DTD1: variants seen among roughly 807,000 people sequenced by gnomAD.
DTD1 encodes D-aminoacyl-tRNA deacylase 1, also known as D-tyrosyl-tRNA deacylase 1 homolog.
Under a neutral mutation model 25.6 loss-of-function variants are expected in DTD1, and 13 were observed. The ratio of observed to expected loss-of-function variants is 0.51; its 90% CI spans 0.33 to 0.81. The LOEUF is 0.81. DTD1 is among the 30% of genes least tolerant of loss of function. DTD1 has a pLI of 0.02. For synonymous variants in DTD1, 110 were observed against 103.6 expected (o/e 1.06, Z -0.37); for missense variants, 193 against 266.4 (o/e 0.72, Z 1.92).
At chr20:18,754,462 A>G (rs2061331605) in intron 5 of DTD1, among the ~76,000 whole-genome samples, 1 of 152,216 alleles carries the variant, frequency 6.6e-6, no homozygotes, top group Admixed American at 6.5e-5. Flanking sequence ...CATGTGACGC[A>G]CATGCGTTTG....
chr20:18,667,396 C>T (rs1600353382), intron 4 of DTD1, among the ~76,000 whole-genome samples: 2 of 152,152 alleles, frequency 1.3e-5, no homozygotes, highest in Admixed American at 6.5e-5. Flanking sequence ...GTTGTCTAAG[C>T]GGCCCTGACG....
intron 3 of DTD1, among the ~76,000 whole-genome samples, chr20:18,615,793 G>A (rs571962077): frequency 2.6e-5 from 4 of 152,276 alleles, no homozygotes; most frequent in South Asian, 2.1e-4. Context: ...GGACAGACAC[G>A]TCAGGAGGGC....
intron 5 of DTD1, among the ~76,000 whole-genome samples, chr20:18,760,006 C>G (rs1347570626): frequency 6.6e-6 from 1 of 152,206 alleles, no homozygotes; most frequent in Admixed American, 6.5e-5. Flanking sequence ...CACTGATACC[C>G]TTTCTTCCAG....
chr20:18,625,295 C>T (rs2060752664), intron 3 of DTD1, among the ~76,000 whole-genome samples: 1 of 152,252 alleles, frequency 6.6e-6, no homozygotes, highest in African/African-American at 2.4e-5. Flanking sequence ...GCCTGTAATA[C>T]ACCCATTTGC....
At chr20:18,682,718 G>T (rs774850841) in intron 4 of DTD1, among the ~76,000 whole-genome samples, 8 of 152,114 alleles carry the variant, frequency 5.3e-5, no homozygotes, top group Non-Finnish European at 8.8e-5. Flanking sequence ...TTATTTTTTG[G>T]ACACAGATGG....
At chr20:18,732,652 C>T (rs982461907) in intron 4 of DTD1, among the ~76,000 whole-genome samples, 14 of 152,178 alleles carry the variant, frequency 9.2e-5, no homozygotes, top group Admixed American at 6.5e-4. Context: ...GAAGTGCAGT[C>T]GATACCTTGT....
intron 4 of DTD1, among the ~76,000 whole-genome samples, chr20:18,704,229 T>C (rs2061116939): frequency 6.6e-6 from 1 of 152,136 alleles, no homozygotes; most frequent in Non-Finnish European, 1.5e-5. Context: ...CTCGATCTCC[T>C]GAGCTCGTGA....
intron 4 of DTD1, among the ~76,000 whole-genome samples, chr20:18,675,817 C>CACAT (rs2060969359): frequency 2.0e-5 from 1 of 50,368 alleles, no homozygotes. Flanking sequence ...TATTTACACA[C>CACAT]ATATATGTAA....
chr20:18,708,231 T>TATATATA, intron 4 of DTD1, among the ~76,000 whole-genome samples: 1 of 15,394 alleles, frequency 6.5e-5, no homozygotes, highest in Non-Finnish European at 1.3e-4. Flanking sequence ...ATATATATAT[T>TATATATA]TTATATATAT....
chr20:18,723,031 G>A (rs1021959570), intron 4 of DTD1, among the ~76,000 whole-genome samples: 1 of 152,332 alleles, frequency 6.6e-6, no homozygotes. Context: ...ATGAAGTTTT[G>A]TGTGTGTCTG....
intron 4 of DTD1, among the ~76,000 whole-genome samples, chr20:18,644,403 C>T (rs545291277): frequency 4.6e-5 from 7 of 152,202 alleles, no homozygotes; most frequent in South Asian, 2.1e-4. Flanking sequence ...TTATTGTTAA[C>T]GATAAAGTTG....
At chr20:18,729,820 G>T (rs979079281) in intron 4 of DTD1, among the ~76,000 whole-genome samples, 7 of 152,166 alleles carry the variant, frequency 4.6e-5, no homozygotes, top group Non-Finnish European at 8.8e-5. Flanking sequence ...TGCATAGCCT[G>T]CCCCTGGCCG....
chr20:18,710,595 T>TG (rs1416572389), intron 4 of DTD1, among the ~76,000 whole-genome samples: 2 of 152,246 alleles, frequency 1.3e-5, no homozygotes, highest in African/African-American at 4.8e-5. Flanking sequence ...CTTTATAAAA[T>TG]GTAAAAGTGA....
intron 3 of DTD1, among the ~76,000 whole-genome samples, chr20:18,620,969 T>A (rs562467852): frequency 6.6e-6 from 1 of 152,362 alleles, no homozygotes; most frequent in Admixed American, 6.5e-5. Context: ...CAACTTCTAT[T>A]GATAACATTT....
chr20:18,651,994 C>A (rs2060875926), intron 4 of DTD1, among the ~76,000 whole-genome samples: 1 of 152,210 alleles, frequency 6.6e-6, no homozygotes, highest in Non-Finnish European at 1.5e-5. Context: ...CCACTGGTTC[C>A]TGTCCCCATT....
At chr20:18,702,023 A>G (rs887750251) in intron 4 of DTD1, among the ~76,000 whole-genome samples, 5 of 152,218 alleles carry the variant, frequency 3.3e-5, no homozygotes, top group African/African-American at 1.2e-4. Flanking sequence ...CATTGTTGAC[A>G]GGAGAAATTT....
At chr20:18,638,001 A>G (rs1005268015) in intron 4 of DTD1, among the ~76,000 whole-genome samples, 1 of 152,236 alleles carries the variant, frequency 6.6e-6, no homozygotes, top group Non-Finnish European at 1.5e-5. Flanking sequence ...TGCTTACCTC[A>G]GTGCCCATCC....
rs148226228 is a variant in DTD1, at chr20:18,645,557, G to A, written c.477+17324G>A. Among the ~76,000 whole-genome samples the A allele has an allele frequency of 7.9e-3, 1,196 of 152,266 alleles. 8 individuals are homozygous for A. The highest frequency in any genetic ancestry group is 0.014 in the Middle Eastern group (4 of 294). On this transcript the variant is annotated intron_variant, in intron 4 of 5. Transcript: ENST00000377452. ...GTGTTTTTGTTTTTAATGCTTAATT[G>A]CATTCCTAGAATTCCCAGGTTTGCC...
At chr20:18,707,460 T>G (rs147150734) in intron 4 of DTD1, among the ~76,000 whole-genome samples, 1 of 152,146 alleles carries the variant, frequency 6.6e-6, no homozygotes, top group Non-Finnish European at 1.5e-5. Context: ...TCTTACCCAA[T>G]ATACCAAACT....
Sources: gnomAD v4.1 joint callset for allele counts (sites outside exome capture counted in the v4.1 genomes callset) on GRCh38, gnomAD v4.1.1 for gene constraint, MANE v1.5 for transcripts, NCBI Gene and HGNC (gene_info 2026-07-23, HGNC 2026-07-21) for gene names.